Variants in ODAD2 observed in about 807,000 individuals in gnomAD.
ODAD2 encodes the protein outer dynein arm docking complex subunit 2.
Under a neutral mutation model 106.8 loss-of-function variants are expected in ODAD2, and 89 were observed. The ratio of observed to expected loss-of-function variants is 0.83; its 90% CI spans 0.70 to 0.99. The LOEUF is 0.99. ODAD2 is among the 50% of genes least tolerant of loss of function. The pLI, the probability that ODAD2 is intolerant of heterozygous loss-of-function variation, is 0.00. For synonymous variants in ODAD2, 404 were observed against 436.2 expected (o/e 0.93, Z 0.92); for missense variants, 1,168 against 1,238.5 (o/e 0.94, Z 0.85).
chr10:27,866,963 C>A (rs946433689), intron 17 of ODAD2, among the ~76,000 whole-genome samples: 2 of 151,916 alleles, frequency 1.3e-5, no homozygotes, highest in African/African-American at 4.8e-5. Flanking sequence ...TTGTCAATGA[C>A]AAAATCACAG....
intron 19 of ODAD2, 151 bp downstream of exon 19, chr10:27,860,474 T>C: frequency 1.5e-6 from 1 of 684,750 alleles, no homozygotes; most frequent in Admixed American, 2.8e-5. Context: ...AAAGTCATGA[T>C]AACACATGGC....
At chr10:27,921,609 T>A (rs192266425) in intron 16 of ODAD2, among the ~76,000 whole-genome samples, 4,478 of 151,346 alleles carry the variant, frequency 0.03, 78 homozygotes, top group Non-Finnish European at 0.047. Context: ...GATTTTTTTT[T>A]AAAAAAAGGA....
At chr10:27,983,760 G>T in intron 6 of ODAD2, 83 bp downstream of exon 6, 1 of 1,311,502 alleles carries the variant, frequency 7.6e-7, no homozygotes, top group Non-Finnish European at 1.1e-6. Flanking sequence ...ATTCTCTGTG[G>T]TCATTGGGAC....
At chr10:27,903,639 T>C (rs1298918803) in intron 17 of ODAD2, among the ~76,000 whole-genome samples, 1 of 152,186 alleles carries the variant, frequency 6.6e-6, no homozygotes, top group East Asian at 1.9e-4. Flanking sequence ...GTCATAAGCA[T>C]TCCTATACAC....
chr10:27,945,250 G>GGAAT (rs2132641352), intron 10 of ODAD2, among the ~76,000 whole-genome samples: 1 of 152,332 alleles, frequency 6.6e-6, no homozygotes, highest in South Asian at 2.1e-4. Context: ...GGCTGACTGA[G>GGAAT]GAATGCAAGA....
intron 17 of ODAD2, among the ~76,000 whole-genome samples, chr10:27,898,678 T>C (rs1020132875): frequency 2.6e-5 from 4 of 152,198 alleles, no homozygotes; most frequent in Non-Finnish European, 5.9e-5. Context: ...ATTTGAACTT[T>C]AATAGGAATT....
intron 17 of ODAD2, among the ~76,000 whole-genome samples, chr10:27,885,496 T>G (rs1353052122): frequency 3.9e-5 from 3 of 76,566 alleles, no homozygotes; most frequent in African/African-American, 1.1e-4. Flanking sequence ...GGTGACAGAG[T>G]GAGACTCCAT....
At position 27,988,043 on chromosome 10, in the gene ODAD2, C is replaced by A. The variant is rs904127398; in HGVS notation, c.225-500G>T. On this transcript the variant is annotated intron_variant, in intron 2 of 19. Transcript: ENST00000305242. Reference sequence around the variant, plus strand: ...AAAGCAAACTGAAGGCAAACTAGATCCTCTCTGAATTCCTTTCCCACTCTA... The same window carrying A: ...AAAGCAAACTGAAGGCAAACTAGATACTCTCTGAATTCCTTTCCCACTCTA... Among the ~76,000 whole-genome samples, 3 of 149,680 alleles carry A rather than the reference C, an allele frequency of 2.0e-5. No homozygotes were observed. The Admixed American group carries it at 2.0e-4, about 10-fold the overall frequency.
At chr10:27,980,032 A>G (rs555942391) in intron 7 of ODAD2, among the ~76,000 whole-genome samples, 6 of 152,340 alleles carry the variant, frequency 3.9e-5, no homozygotes, top group Non-Finnish European at 7.4e-5. Flanking sequence ...TCTTCCATCT[A>G]TGATCAATTG....
chr10:27,869,626 C>A (rs1564447345), intron 17 of ODAD2, among the ~76,000 whole-genome samples: 1 of 151,778 alleles, frequency 6.6e-6, no homozygotes, highest in African/African-American at 2.4e-5. Context: ...CTTCCGCCCC[C>A]TAGGTTCAAA....
intron 17 of ODAD2, among the ~76,000 whole-genome samples, chr10:27,884,729 A>G (rs1405175055): frequency 6.6e-6 from 1 of 152,198 alleles, no homozygotes; most frequent in East Asian, 1.9e-4. Context: ...CAGGCACAGA[A>G]GTACAACTGA....
chr10:27,918,429 T>G (rs532850455), intron 16 of ODAD2, among the ~76,000 whole-genome samples: 1 of 151,494 alleles, frequency 6.6e-6, no homozygotes, highest in East Asian at 1.9e-4. Context: ...CTTATTTATT[T>G]ATAGAACAAA....
At chr10:27,944,524 G>C (rs540386125) in intron 11 of ODAD2, 93 bp from the exon 12 acceptor site, 1 of 1,180,380 alleles carries the variant, frequency 8.5e-7, no homozygotes, top group Non-Finnish European at 1.2e-6. Context: ...CCCCAGTTAA[G>C]TTTTTTAAGA....
chr10:27,812,196 A>T lies in ODAD2; in HGVS notation c.*316T>A. The T allele has an allele frequency of 3.4e-6, 1 of 290,616 alleles. No individual in the cohort carries two copies. 18.0% of individuals were successfully genotyped at this position (290,616 alleles called of 1,614,324 possible). A position where few individuals can be genotyped will look rare whatever the true frequency, so the allele number is the denominator to read the frequency against. Reference sequence around the variant, plus strand: ...GGAAGGCCATATCCTTTTTATTAAAATCGCCACAAATACAAAAGCATCACT... The same window carrying T: ...GGAAGGCCATATCCTTTTTATTAAATTCGCCACAAATACAAAAGCATCACT... On this transcript the variant is annotated 3_prime_UTR_variant, in exon 20 of 20. Transcript: ENST00000305242.
At position 27,974,836 on chromosome 10, in the gene ODAD2, G is replaced by A. The variant is rs1849091506; in HGVS notation, c.937-3523C>T. 9.9e-5 allele frequency among the ~76,000 whole-genome samples: 15 copies of A among 152,154 alleles called. No individual in the cohort carries two copies. In the South Asian group the frequency reaches 3.1e-3, roughly 32 times the overall value. ...ATCTATAAATTGCTTTGGGCAGTAT[G>A]GCCATTTGAGTGATATTTACTCTTT... is the stretch of plus-strand genomic sequence containing the variant. On this transcript the variant is annotated intron_variant, in intron 7 of 19. Coordinates refer to ENST00000305242, the MANE Select transcript of ODAD2 (RefSeq NM_018076.5).
chr10:27,987,339 A>T (rs1204270570), intron 3 of ODAD2, 47 bp downstream of exon 3: 8 of 1,574,874 alleles, frequency 5.1e-6, no homozygotes, highest in Non-Finnish European at 6.9e-6. Flanking sequence ...TTTCCCAGCA[A>T]GATTGTTTCT....
chr10:27,990,884 A>G (rs1165329916), intron 2 of ODAD2, among the ~76,000 whole-genome samples: 1 of 152,202 alleles, frequency 6.6e-6, no homozygotes, highest in East Asian at 1.9e-4. Flanking sequence ...GATGCAGTGG[A>G]GTGAGATTTA....
At chr10:27,977,593 A>G (rs1386429449) in intron 7 of ODAD2, among the ~76,000 whole-genome samples, 1 of 151,976 alleles carries the variant, frequency 6.6e-6, no homozygotes, top group East Asian at 1.9e-4. Context: ...AGAAAAGAAA[A>G]AAGAAAAATA....
chr10:27,920,653 G>A (rs554667794), intron 16 of ODAD2, among the ~76,000 whole-genome samples: 1 of 152,078 alleles, frequency 6.6e-6, no homozygotes, highest in Non-Finnish European at 1.5e-5. Flanking sequence ...TGAGAGGAAA[G>A]AAAAATGTTC....
Sources: gnomAD v4.1 joint callset for allele counts (sites outside exome capture counted in the v4.1 genomes callset) on GRCh38, gnomAD v4.1.1 for gene constraint, MANE v1.5 for transcripts, NCBI Gene and HGNC (gene_info 2026-07-23, HGNC 2026-07-21) for gene names.